ZC3HAV1: variants seen among roughly 807,000 people sequenced by gnomAD.
The protein encoded by ZC3HAV1 is zinc finger CCCH-type containing, antiviral 1.
A neutral mutation model predicts 86.6 loss-of-function variants in ZC3HAV1; 41 were observed. The observed-to-expected ratio is 0.47, with a 90% CI of 0.37 to 0.61. The LOEUF (loss-of-function observed/expected upper bound fraction) is 0.61, where lower values mean the gene tolerates loss of function less well. Ranked by LOEUF, ZC3HAV1 falls within the 20% of genes least tolerant of loss-of-function variation. The probability of loss-of-function intolerance (pLI) is 0.00; values close to 1 mark genes in which losing one functional copy is unlikely to be tolerated. For missense variants in ZC3HAV1, 964 were observed against 1,141.1 expected, an observed-to-expected ratio of 0.84 and a Z score of 2.24; for synonymous variants, 421 against 432.1, an observed-to-expected ratio of 0.97 and a Z score of 0.32.
At chr7:139,107,409 C>T (rs978227986) in intron 1 of ZC3HAV1, among the ~76,000 whole-genome samples, 3 of 152,184 alleles carry the variant, frequency 2.0e-5, no homozygotes, top group Admixed American at 1.3e-4. Context: ...AAATACATTG[C>T]GTCCTCTACC....
chr7:139,084,124 T>C, intron 2 of ZC3HAV1, 92 bp from the exon 3 acceptor site: 2 of 1,519,088 alleles, frequency 1.3e-6, no homozygotes, highest in Non-Finnish European at 8.9e-7. Context: ...CAAAAATCTC[T>C]GAAGCAAGCA....
rs1818004550 is a variant in ZC3HAV1, at chr7:139,108,552, G to A, written c.308+472C>T. Among the ~76,000 whole-genome samples, 1 of 152,210 alleles carries A rather than the reference G, an allele frequency of 6.6e-6. No individual in the cohort carries two copies. The highest frequency in any genetic ancestry group is 6.5e-5 in the Admixed American group (1 of 15,284). On this transcript the variant is annotated intron_variant, in intron 1 of 12. Transcript: ENST00000242351. The surrounding 1 kb of genome is among the most constrained non-coding windows in gnomAD (Gnocchi z 4.2). ...AGAGAGACCTGCGGCTCGCTCCGGCGGAGACGGACCGGGGGCCCAGGGCGG... is the reference window on the plus strand; with the variant it reads ...AGAGAGACCTGCGGCTCGCTCCGGCAGAGACGGACCGGGGGCCCAGGGCGG...
At chr7:139,098,711 G>A (rs537510840) in intron 1 of ZC3HAV1, among the ~76,000 whole-genome samples, 104 of 152,232 alleles carry the variant, frequency 6.8e-4, no homozygotes, top group Non-Finnish European at 1.3e-3. Flanking sequence ...CCCTGTATGG[G>A]AAATAGAGAA....
intron 6 of ZC3HAV1, among the ~76,000 whole-genome samples, chr7:139,075,918 A>G: frequency 6.6e-6 from 1 of 152,252 alleles, no homozygotes. Context: ...TAAATCATTT[A>G]GTACTTTTAA....
At chr7:139,090,184 G>C (rs1817390323) in intron 1 of ZC3HAV1, among the ~76,000 whole-genome samples, 1 of 152,156 alleles carries the variant, frequency 6.6e-6, no homozygotes, top group African/African-American at 2.4e-5. Context: ...GCCTCCTAAA[G>C]TGCTGGGATT....
intron 7 of ZC3HAV1, among the ~76,000 whole-genome samples, chr7:139,069,131 T>C (rs1816695278): frequency 6.6e-6 from 1 of 152,174 alleles, no homozygotes; most frequent in Admixed American, 6.6e-5. Context: ...TAAGCTACAG[T>C]TGCCCCATAC....
intron 7 of ZC3HAV1, among the ~76,000 whole-genome samples, chr7:139,068,745 A>C (rs931641653): frequency 2.0e-5 from 3 of 152,174 alleles, no homozygotes; most frequent in African/African-American, 7.2e-5. Flanking sequence ...TGTCATGTTC[A>C]TGAACCCCGG....
At chr7:139,105,983 T>A (rs1817925220) in intron 1 of ZC3HAV1, among the ~76,000 whole-genome samples, 1 of 152,150 alleles carries the variant, frequency 6.6e-6, no homozygotes, top group African/African-American at 2.4e-5. Flanking sequence ...AGTTTGTAAT[T>A]CCCAAATTCA....
chr7:139,075,019 G>T (rs1816894303), intron 6 of ZC3HAV1, among the ~76,000 whole-genome samples: 2 of 152,298 alleles, frequency 1.3e-5, no homozygotes, highest in East Asian at 1.9e-4. Context: ...TTTGACCTCA[G>T]TGGGTATTTT....
intron 1 of ZC3HAV1, among the ~76,000 whole-genome samples, chr7:139,092,855 A>T (rs1198176926): frequency 6.6e-6 from 1 of 152,156 alleles, no homozygotes; most frequent in African/African-American, 2.4e-5. Context: ...CCCAGTCTCA[A>T]CCTGCAACAT....
rs961206377 is a variant in ZC3HAV1, at chr7:139,078,673, G to T, written c.1472-20C>A. Reference sequence around the variant, plus strand: ...AAGAATCTATGAAACAAAAAAGGATGCATGTATGCTGATCTTAATGTTTAA... The same window carrying T: ...AAGAATCTATGAAACAAAAAAGGATTCATGTATGCTGATCTTAATGTTTAA... On this transcript the variant is annotated intron_variant, in intron 4 of 12. Transcript: ENST00000242351. 14 of 1,523,788 alleles carry T rather than the reference G, an allele frequency of 9.2e-6. No individual in the cohort carries two copies. The highest frequency in any genetic ancestry group is 1.2e-5 in the Non-Finnish European group (14 of 1,131,406). 94.4% of individuals were successfully genotyped at this position (1,523,788 alleles called of 1,614,324 possible). A position where few individuals can be genotyped will look rare whatever the true frequency, so the allele number is the denominator to read the frequency against.
chr7:139,099,516 A>G (rs983383626), intron 1 of ZC3HAV1, among the ~76,000 whole-genome samples: 4 of 152,230 alleles, frequency 2.6e-5, no homozygotes, highest in African/African-American at 9.6e-5. Context: ...TAGGTTAGAG[A>G]TCGCCAGGGG....
intron 7 of ZC3HAV1, among the ~76,000 whole-genome samples, chr7:139,068,942 T>C (rs1313413830): frequency 6.6e-6 from 1 of 152,238 alleles, no homozygotes; most frequent in Non-Finnish European, 1.5e-5. Context: ...CACAACTGAC[T>C]GATGGTCCAG....
intron 1 of ZC3HAV1, among the ~76,000 whole-genome samples, chr7:139,107,330 A>G (rs1817965165): frequency 6.6e-6 from 1 of 152,254 alleles, no homozygotes; most frequent in African/African-American, 2.4e-5. Context: ...ATAAAGGAAC[A>G]CATTCAAGCA....
rs1299600258 is a variant in ZC3HAV1, at chr7:139,089,774, G to A, written c.309-15C>T. 17 of 1,603,280 alleles carry A rather than the reference G, an allele frequency of 1.1e-5. No individual in the cohort carries two copies. Among genetic ancestry groups the A allele is most frequent in the African/African-American group, 2.7e-5 (2 of 74,312 alleles). On this transcript the variant is annotated splice_polypyrimidine_tract_variant and intron_variant, in intron 1 of 12. Transcript: ENST00000242351. ...TGCATAAATTCCTGGAAGAAAACAC[G>A]ACAATGGTCAGTATTTCTACTACAC...
In ZC3HAV1 at chr7:139,109,045, C is replaced by A. The variant is rs1818023525; in HGVS notation, c.287G>T (p.Cys96Phe). 1 of 1,577,552 alleles carries A rather than the reference C, an allele frequency of 6.3e-7. No homozygotes were observed. The highest frequency in any genetic ancestry group is 8.6e-7 in the Non-Finnish European group (1 of 1,158,336). ...TCACCGCTCGGACTGCGAATAGTTG[C>A]ACCGGCCCAGCAAGTTGAGTTTGCA... Reference protein sequence around the residue: ...HLCKLNLLGRCNYSQSERNLC... With the variant: ...HLCKLNLLGRFNYSQSERNLC... Residue 96 changes from cysteine (C) to phenylalanine (F), a missense_variant, in exon 1 of 13, where the codon TGC (cysteine) becomes TTC (phenylalanine). Cys to Phe is a radical substitution (Grantham distance 205). Transcript: ENST00000242351.
intron 9 of ZC3HAV1, 160 bp downstream of exon 9, chr7:139,060,876 A>T: frequency 6.5e-7 from 1 of 1,549,938 alleles, no homozygotes; most frequent in East Asian, 2.4e-5. Context: ...CATGCTGCTT[A>T]ACAAGCATCT....
At chr7:139,062,396 G>GCCTTAGC (rs1420586013) in intron 8 of ZC3HAV1, among the ~76,000 whole-genome samples, 1 of 152,188 alleles carries the variant, frequency 6.6e-6, no homozygotes, top group Non-Finnish European at 1.5e-5. Context: ...GTACCTTCCA[G>GCCTTAGC]CCTTAGCCTT....
At position 139,079,835 on chromosome 7, in the gene ZC3HAV1, T is replaced by A. The variant is rs771482941; in HGVS notation, c.1106A>T (p.Gln369Leu). The change falls in exon 4 of 13, where the codon CAA becomes CTA. Residue 369 changes from glutamine to leucine, a missense_variant. Coordinates refer to ENST00000242351, the MANE Select transcript of ZC3HAV1 (RefSeq NM_020119.4). Reference sequence around the variant, plus strand: ...AAACACAGTCTTTCTCCTGGCGCCTTGGTCATTCGTCCAGGATGTGAGGCT... The same window carrying A: ...AAACACAGTCTTTCTCCTGGCGCCTAGGTCATTCGTCCAGGATGTGAGGCT... Reference protein sequence around the residue: ...WKSLTSWTNDQGARRKTVFSP... With the variant: ...WKSLTSWTNDLGARRKTVFSP... 1.2e-6 allele frequency: 2 copies of A among 1,614,166 alleles called. No individual in the cohort carries two copies. The highest frequency in any genetic ancestry group is 1.7e-6 in the Non-Finnish European group (2 of 1,180,032).
Sources: gnomAD v4.1 joint callset for allele counts (sites outside exome capture counted in the v4.1 genomes callset) on GRCh38, gnomAD v4.1.1 for gene constraint, Gnocchi (gnomAD v3.1) non-coding constraint, MANE v1.5 for transcripts, NCBI Gene and HGNC (gene_info 2026-07-23, HGNC 2026-07-21) for gene names.